The following NKAIN2 variants were observed in gnomAD, a reference collection of about 807,000 sequenced individuals.
NKAIN2 encodes the protein sodium/potassium-transporting ATPase subunit beta-1-interacting protein 2.
In NKAIN2, 14 loss-of-function variants were observed where a neutral mutation model predicts 32.6. That is an observed-to-expected ratio of 0.43 (90% CI 0.28 to 0.67). The LOEUF (loss-of-function observed/expected upper bound fraction) is 0.67, where lower values mean the gene tolerates loss of function less well. Ranked by LOEUF, NKAIN2 falls within the 30% of genes least tolerant of loss-of-function variation. The pLI is 0.17. For synonymous variants in NKAIN2, 80 were observed against 87.2 expected, an observed-to-expected ratio of 0.92 and a Z score of 0.46; for missense variants, 198 against 258.3, an observed-to-expected ratio of 0.77 and a Z score of 1.60.
At chr6:124,730,284 G>A (rs1291472700) in intron 4 of NKAIN2, among the ~76,000 whole-genome samples, 1 of 104,700 alleles carries the variant, frequency 9.6e-6, no homozygotes, top group African/African-American at 3.7e-5. Flanking sequence ...AAAGCTGGAG[G>A]CATCACACTA....
intron 3 of NKAIN2, among the ~76,000 whole-genome samples, chr6:124,551,024 A>G (rs909742480): frequency 3.8e-4 from 58 of 152,218 alleles, no homozygotes; most frequent in Non-Finnish European, 1.5e-4. Context: ...TTCGGGGGTC[A>G]TAAATATAAA....
chr6:124,334,087 T>G (rs1280988969), intron 2 of NKAIN2, among the ~76,000 whole-genome samples: 1 of 152,246 alleles, frequency 6.6e-6, no homozygotes, highest in Non-Finnish European at 1.5e-5. Flanking sequence ...TGGTATGCAT[T>G]TAAATACAGA....
At chr6:124,277,108 A>T (rs977658494) in intron 1 of NKAIN2, among the ~76,000 whole-genome samples, 1 of 152,142 alleles carries the variant, frequency 6.6e-6, no homozygotes, top group African/African-American at 2.4e-5. Context: ...TGAATCAAGG[A>T]CGTAGTATTC....
At chr6:124,184,293 A>G (rs969214994) in intron 1 of NKAIN2, among the ~76,000 whole-genome samples, 4 of 151,840 alleles carry the variant, frequency 2.6e-5, no homozygotes, top group African/African-American at 9.7e-5. Flanking sequence ...GGGAACCTTG[A>G]AGATCTCAAG....
chr6:124,486,485 A>C (rs1369999919), intron 3 of NKAIN2, among the ~76,000 whole-genome samples: 1 of 152,178 alleles, frequency 6.6e-6, no homozygotes, highest in African/African-American at 2.4e-5. Flanking sequence ...GAATATTGAT[A>C]ATGGGACTTA....
intron 2 of NKAIN2, among the ~76,000 whole-genome samples, chr6:124,291,315 C>T (rs1215450791): frequency 1.3e-5 from 2 of 151,548 alleles, no homozygotes; most frequent in East Asian, 3.9e-4. Context: ...TTCAAAATGG[C>T]GTGTCTAAAT....
chr6:124,647,157 C>A (rs1032853663), intron 3 of NKAIN2, among the ~76,000 whole-genome samples: 2 of 151,558 alleles, frequency 1.3e-5, no homozygotes, highest in African/African-American at 4.8e-5. Flanking sequence ...ATTCTAAAAT[C>A]ATGATAGTAA....
At chr6:123,876,277 G>A (rs895728342) in intron 1 of NKAIN2, among the ~76,000 whole-genome samples, 1 of 152,050 alleles carries the variant, frequency 6.6e-6, no homozygotes, top group Non-Finnish European at 1.5e-5. Context: ...TTTATACATA[G>A]ATGTATCCCA....
intron 1 of NKAIN2, among the ~76,000 whole-genome samples, chr6:124,118,854 A>G (rs552949537): frequency 2.0e-5 from 3 of 152,226 alleles, no homozygotes; most frequent in African/African-American, 4.8e-5. Flanking sequence ...CTACCTCTCA[A>G]TTCTGCCTTT....
At chr6:123,942,358 A>G (rs1324706887) in intron 1 of NKAIN2, among the ~76,000 whole-genome samples, 2 of 152,180 alleles carry the variant, frequency 1.3e-5, no homozygotes, top group East Asian at 3.9e-4. Flanking sequence ...TTTCCTGCTT[A>G]TAGTTGTAGA....
At chr6:124,655,478 T>A (rs1454125065) in intron 3 of NKAIN2, among the ~76,000 whole-genome samples, 1 of 152,184 alleles carries the variant, frequency 6.6e-6, no homozygotes, top group Non-Finnish European at 1.5e-5. Flanking sequence ...ATAGCTCTAG[T>A]GGCCAACAAA....
chr6:123,881,618 G>A (rs374875181), intron 1 of NKAIN2, among the ~76,000 whole-genome samples: 1 of 152,146 alleles, frequency 6.6e-6, no homozygotes, highest in Admixed American at 6.5e-5. Flanking sequence ...TTTAGAGTCT[G>A]TTTTGTGTTT....
At chr6:124,243,668 GA>G (rs1161914467) in intron 1 of NKAIN2, among the ~76,000 whole-genome samples, 2 of 151,984 alleles carry the variant, frequency 1.3e-5, no homozygotes, top group Non-Finnish European at 2.9e-5. Flanking sequence ...ATTATGTGTG[GA>G]AAACTGTATG....
intron 3 of NKAIN2, among the ~76,000 whole-genome samples, chr6:124,517,859 T>A (rs555120417): frequency 3.9e-4 from 60 of 152,306 alleles, no homozygotes; most frequent in African/African-American, 1.3e-3. Flanking sequence ...CAATATTTAC[T>A]ATCTTCCATT....
chr6:123,929,254 C>T (rs1410155593), intron 1 of NKAIN2, among the ~76,000 whole-genome samples: 5 of 152,058 alleles, frequency 3.3e-5, no homozygotes, highest in African/African-American at 9.7e-5. Flanking sequence ...TTGATATGCT[C>T]AGTGAAAAAG....
chr6:124,073,322 A>G (rs1290585858), intron 1 of NKAIN2, among the ~76,000 whole-genome samples: 1 of 152,284 alleles, frequency 6.6e-6, no homozygotes, highest in African/African-American at 2.4e-5. Flanking sequence ...CTACACAAGC[A>G]TAGAGCCTTA....
At chr6:123,956,018 C>T (rs79591241) in intron 1 of NKAIN2, among the ~76,000 whole-genome samples, 7,691 of 152,002 alleles carry the variant, frequency 0.051, 596 homozygotes, top group African/African-American at 0.17. Context: ...TTTAAAAATG[C>T]ATGGATGCTT....
intron 5 of NKAIN2, among the ~76,000 whole-genome samples, chr6:124,802,577 C>T (rs572835307): frequency 6.6e-6 from 1 of 152,188 alleles, no homozygotes; most frequent in South Asian, 2.1e-4. Context: ...TCATAATTTT[C>T]TGACTCTAGC....
intron 2 of NKAIN2, among the ~76,000 whole-genome samples, chr6:124,290,691 CT>C (rs58064643): frequency 0.039 from 5,416 of 139,776 alleles, 247 homozygotes; most frequent in African/African-American, 0.11. Flanking sequence ...TTTCTGATTG[CT>C]TTTTTTTTTT....
Sources: gnomAD v4.1 joint callset for allele counts (sites outside exome capture counted in the v4.1 genomes callset) on GRCh38, gnomAD v4.1.1 for gene constraint, MANE v1.5 for transcripts, NCBI Gene and HGNC (gene_info 2026-07-23, HGNC 2026-07-21) for gene names.